Variants in GRM8 observed in about 807,000 individuals in gnomAD.
GRM8 encodes metabotropic glutamate receptor 8.
In GRM8, 47 loss-of-function variants were observed where a neutral mutation model predicts 87.2. The observed-to-expected ratio is 0.54, with a 90% CI of 0.43 to 0.69. The LOEUF (loss-of-function observed/expected upper bound fraction) is 0.69, where lower values mean the gene tolerates loss of function less well. Ranked by LOEUF, GRM8 falls within the 30% of genes least tolerant of loss-of-function variation. The probability of loss-of-function intolerance (pLI) is 0.00; values close to 1 mark genes in which losing one functional copy is unlikely to be tolerated. For missense variants in GRM8, 1,019 were observed against 1,139.2 expected (o/e 0.89, Z 1.52); for synonymous variants, 396 against 404.5 (o/e 0.98, Z 0.25).
At chr7:126,589,126 T>C (rs1796435126) in intron 8 of GRM8, among the ~76,000 whole-genome samples, 1 of 152,044 alleles carries the variant, frequency 6.6e-6, no homozygotes, top group South Asian at 2.1e-4. Context: ...GGACAGAACT[T>C]GGGGGAGAGA....
chr7:126,915,591 G>A (rs894247960), intron 3 of GRM8, among the ~76,000 whole-genome samples: 2 of 152,174 alleles, frequency 1.3e-5, no homozygotes, highest in Non-Finnish European at 2.9e-5. Context: ...TGTCTGATAT[G>A]TTGCCTCTTC....
chr7:126,908,043 G>A (rs1046580201), intron 3 of GRM8, among the ~76,000 whole-genome samples: 4 of 152,190 alleles, frequency 2.6e-5, no homozygotes, highest in Non-Finnish European at 5.9e-5. Flanking sequence ...GGAGGATAAG[G>A]AGGAGGAAAG....
At chr7:126,992,758 T>G (rs1812781877) in intron 3 of GRM8, among the ~76,000 whole-genome samples, 1 of 151,950 alleles carries the variant, frequency 6.6e-6, no homozygotes. Flanking sequence ...CATAATTAAT[T>G]AGTGTCTTTA....
At chr7:126,890,827 C>T (rs1409404120) in intron 6 of GRM8, among the ~76,000 whole-genome samples, 1 of 151,970 alleles carries the variant, frequency 6.6e-6, no homozygotes, top group African/African-American at 2.4e-5. Context: ...AGGGTCCTCT[C>T]CTTCAACATA....
chr7:126,715,728 C>A (rs1211357671), intron 7 of GRM8, among the ~76,000 whole-genome samples: 30 of 152,108 alleles, frequency 2.0e-4, no homozygotes, highest in Admixed American at 2.0e-3. Context: ...TTTGTTTGCA[C>A]CCATCTCTAT....
intron 6 of GRM8, among the ~76,000 whole-genome samples, chr7:126,832,101 T>C (rs1219249234): frequency 1.3e-5 from 2 of 151,702 alleles, no homozygotes; most frequent in African/African-American, 2.4e-5. Context: ...TGCCTCAAGC[T>C]TGGGGACAGA....
chr7:126,825,605 G>A (rs995945033), intron 6 of GRM8, among the ~76,000 whole-genome samples: 1 of 152,080 alleles, frequency 6.6e-6, no homozygotes, highest in Non-Finnish European at 1.5e-5. Flanking sequence ...GTACTTAATA[G>A]TGTTAAAGGA....
intron 2 of GRM8, among the ~76,000 whole-genome samples, chr7:127,167,621 C>A (rs1301409219): frequency 1.3e-5 from 2 of 151,984 alleles, no homozygotes; most frequent in Admixed American, 6.6e-5. Flanking sequence ...TGATCAGTGA[C>A]TTTTGATGGA....
At chr7:126,688,433 T>C (rs148194720) in intron 7 of GRM8, among the ~76,000 whole-genome samples, 31 of 152,248 alleles carry the variant, frequency 2.0e-4, no homozygotes, top group African/African-American at 6.5e-4. Context: ...CGGTGATGAA[T>C]AGAGCCCTAA....
chr7:126,617,603 G>A (rs1384769537), intron 7 of GRM8, among the ~76,000 whole-genome samples: 2 of 152,138 alleles, frequency 1.3e-5, no homozygotes, highest in Non-Finnish European at 2.9e-5. Flanking sequence ...GTTTGCAGAT[G>A]ACATGATTGT....
intron 6 of GRM8, among the ~76,000 whole-genome samples, chr7:126,781,046 T>C (rs1820018139): frequency 6.6e-6 from 1 of 151,798 alleles, no homozygotes; most frequent in African/African-American, 2.4e-5. Flanking sequence ...TAGCAAAGAG[T>C]GGTACCCAAG....
intron 6 of GRM8, among the ~76,000 whole-genome samples, chr7:126,878,807 A>G (rs1468501742): frequency 6.7e-6 from 1 of 150,222 alleles, no homozygotes. Context: ...GATTACAGGC[A>G]TGAGCCACTG....
At chr7:127,170,873 C>T (rs922764952) in intron 2 of GRM8, among the ~76,000 whole-genome samples, 9 of 152,106 alleles carry the variant, frequency 5.9e-5, no homozygotes, top group African/African-American at 1.9e-4. Context: ...GGATAAAAAC[C>T]ACCCACTGGG....
intron 6 of GRM8, among the ~76,000 whole-genome samples, chr7:126,799,547 A>T (rs1195467534): frequency 3.3e-5 from 5 of 152,178 alleles, no homozygotes; most frequent in African/African-American, 1.2e-4. Context: ...CTTGGCACAC[A>T]GGAACACAGG....
At chr7:126,951,498 T>G (rs894307283) in intron 3 of GRM8, among the ~76,000 whole-genome samples, 1 of 152,088 alleles carries the variant, frequency 6.6e-6, no homozygotes, top group African/African-American at 2.4e-5. Flanking sequence ...CAAATAAGCC[T>G]GTTACAAATG....
At chr7:126,597,174 G>A (rs967942464) in intron 8 of GRM8, among the ~76,000 whole-genome samples, 2 of 152,062 alleles carry the variant, frequency 1.3e-5, no homozygotes, top group African/African-American at 4.8e-5. Context: ...GAGTTTAGGA[G>A]GATCCTAGCT....
At chr7:126,938,120 T>C (rs1357003720) in intron 3 of GRM8, among the ~76,000 whole-genome samples, 1 of 152,198 alleles carries the variant, frequency 6.6e-6, no homozygotes, top group African/African-American at 2.4e-5. Context: ...CAATAAAATA[T>C]GAATTTTAGC....
intron 3 of GRM8, among the ~76,000 whole-genome samples, chr7:127,059,128 A>C (rs943137370): frequency 1.3e-5 from 2 of 152,138 alleles, no homozygotes; most frequent in African/African-American, 2.4e-5. Flanking sequence ...AGGATAATCT[A>C]GGGTTGCCAA....
intron 10 of GRM8, among the ~76,000 whole-genome samples, chr7:126,444,619 A>G (rs1313366663): frequency 1.3e-5 from 2 of 152,116 alleles, no homozygotes; most frequent in Admixed American, 6.6e-5. Flanking sequence ...CTAATTAACT[A>G]TCACAGGATA....
Sources: gnomAD v4.1 joint callset for allele counts (sites outside exome capture counted in the v4.1 genomes callset) on GRCh38, gnomAD v4.1.1 for gene constraint, MANE v1.5 for transcripts, NCBI Gene and HGNC (gene_info 2026-07-23, HGNC 2026-07-21) for gene names.